The following PIEZO2 variants were observed in gnomAD, a reference collection of about 807,000 sequenced individuals.
PIEZO2 encodes piezo type mechanosensitive ion channel component 2.
Under a neutral mutation model 337.3 loss-of-function variants are expected in PIEZO2, and 172 were observed. The ratio of observed to expected loss-of-function variants is 0.51; its 90% CI spans 0.45 to 0.58. PIEZO2 has a LOEUF of 0.58. PIEZO2 is among the 20% of genes least tolerant of loss of function. PIEZO2 has a pLI of 0.00. For missense variants in PIEZO2, 3,028 were observed against 3,391.3 expected (o/e 0.89, Z 2.66); for synonymous variants, 1,251 against 1,228.5 (o/e 1.02, Z -0.38).
In PIEZO2 at chr18:10,979,913, C is replaced by T. The variant is rs527739343; in HGVS notation, c.161-253G>A. On this transcript the variant is annotated intron_variant, in intron 2 of 55. Transcript: ENST00000674853. The surrounding 1 kb of genome is among the most constrained non-coding windows in gnomAD (Gnocchi z 4.0). ...ATAATTTCCTATTTATCATATGACA[C>T]ATTACAGTGGAACTACAAAAAGGTC... Among the ~76,000 whole-genome samples, 62 of 152,248 alleles carry T rather than the reference C, an allele frequency of 4.1e-4. 1 individual carries two copies. The highest frequency in any genetic ancestry group is 2.7e-3 in the South Asian group (13 of 4,826).
chr18:10,998,861 CAAAAAAA>C (rs10544415), intron 2 of PIEZO2, among the ~76,000 whole-genome samples: 1 of 118,820 alleles, frequency 8.4e-6, no homozygotes, highest in African/African-American at 3.0e-5. Flanking sequence ...TCAAATACAG[CAAAAAAA>C]AAAAAAAAAA....
Position 10,759,973 on chromosome 18 carries a change from A to G in PIEZO2, c.3451-64T>C. On this transcript the variant is annotated intron_variant, in intron 24 of 55. Transcript: ENST00000674853. This position sits in a 1 kb window ranked among gnomAD's most constrained non-coding sequence, Gnocchi z 5.5. ...GCATATGGGAAAGGGGACTGGTGAT[A>G]GGTGTCAGGTCTGTGTAGATGGCGG... 7.1e-7 allele frequency: 1 copy of G among 1,408,390 alleles called. No individual in the cohort carries two copies. Among genetic ancestry groups the G allele is most frequent in the Middle Eastern group, 1.7e-4 (1 of 5,774 alleles). 87.2% of individuals were successfully genotyped at this position (1,408,390 alleles called of 1,614,324 possible).
intron 1 of PIEZO2, among the ~76,000 whole-genome samples, chr18:11,118,544 T>A (rs2039949850): frequency 6.6e-6 from 1 of 152,202 alleles, no homozygotes; most frequent in Non-Finnish European, 1.5e-5. Flanking sequence ...AATGCTGGAA[T>A]GTTTCATAAC....
chr18:11,103,972 C>T (rs542318257), intron 1 of PIEZO2, among the ~76,000 whole-genome samples: 20 of 152,022 alleles, frequency 1.3e-4, no homozygotes, highest in Non-Finnish European at 2.4e-4. Flanking sequence ...ACTACAGGCA[C>T]GCACCACCAC....
At chr18:11,123,640 C>G (rs2040094120) in intron 1 of PIEZO2, among the ~76,000 whole-genome samples, 1 of 152,068 alleles carries the variant, frequency 6.6e-6, no homozygotes, top group Admixed American at 6.6e-5. Flanking sequence ...AACCCCATCT[C>G]TACTAAAAAT....
In PIEZO2 at chr18:10,862,105, AG is replaced by A. The variant is rs2041889379; in HGVS notation, c.493-4895del. Among the ~76,000 whole-genome samples, 1 of 152,146 alleles carries A rather than the reference AG, an allele frequency of 6.6e-6. No homozygotes were observed. The highest frequency in any genetic ancestry group is 6.5e-5 in the Admixed American group (1 of 15,282). ...ATGTCCTCAACACAAATAAATAATA[AG>A]TATTTGAGATGATGAATATGCTAAT... On this transcript the variant is annotated intron_variant, in intron 5 of 55. Coordinates refer to ENST00000674853, the MANE Select transcript of PIEZO2 (RefSeq NM_001378183.1). This position sits in a 1 kb window ranked among gnomAD's most constrained non-coding sequence, Gnocchi z 4.4.
chr18:11,097,982 A>C lies in PIEZO2; in HGVS notation c.65-31760T>G, dbSNP rs2039306236. 6.6e-6 allele frequency among the ~76,000 whole-genome samples: 1 copy of C among 152,198 alleles called. No individual in the cohort carries two copies. The highest frequency in any genetic ancestry group is 1.5e-5 in the Non-Finnish European group (1 of 68,028). On this transcript the variant is annotated intron_variant, in intron 1 of 55. Transcript: ENST00000674853. This position sits in a 1 kb window ranked among gnomAD's most constrained non-coding sequence, Gnocchi z 5.0. ...TACTCATCTTTAAAAATGAATTAATAATAAAAACTAATGCTCATATACTTT... is the reference window on the plus strand; with the variant it reads ...TACTCATCTTTAAAAATGAATTAATCATAAAAACTAATGCTCATATACTTT...
At chr18:10,897,587 G>C (rs2042936174) in intron 4 of PIEZO2, among the ~76,000 whole-genome samples, 1 of 152,194 alleles carries the variant, frequency 6.6e-6, no homozygotes, top group Non-Finnish European at 1.5e-5. Flanking sequence ...TCTGCCATGA[G>C]TGTGGGGCCT....
intron 2 of PIEZO2, among the ~76,000 whole-genome samples, chr18:11,019,291 A>C (rs1447077660): frequency 1.3e-5 from 2 of 152,164 alleles, no homozygotes; most frequent in Non-Finnish European, 2.9e-5. Context: ...CGCTACTTAA[A>C]ATGCTTTAGG....
At chr18:11,108,619 A>ATT (rs2039644219) in intron 1 of PIEZO2, among the ~76,000 whole-genome samples, 3 of 150,022 alleles carry the variant, frequency 2.0e-5, no homozygotes, top group Admixed American at 1.3e-4. Context: ...CTCTCAAAAA[A>ATT]AAAAAAAAAA....
At chr18:10,865,904 T>C (rs892522491) in intron 5 of PIEZO2, among the ~76,000 whole-genome samples, 3 of 152,164 alleles carry the variant, frequency 2.0e-5, no homozygotes, top group Non-Finnish European at 4.4e-5. Flanking sequence ...TCACACAAGT[T>C]TCCCATGGGG....
At chr18:10,852,464 CCT>C (rs145747347) in intron 7 of PIEZO2, among the ~76,000 whole-genome samples, 171 of 151,222 alleles carry the variant, frequency 1.1e-3, no homozygotes, top group African/African-American at 4.0e-3. Context: ...TAGCATGTGC[CCT>C]CTCTCTCTCT....
At chr18:10,797,226 A>G in intron 12 of PIEZO2, 148 bp downstream of exon 12, 1 of 630,680 alleles carries the variant, frequency 1.6e-6, no homozygotes, top group Non-Finnish European at 2.6e-6. Flanking sequence ...ATACCATCAT[A>G]TATGTACTAT....
At chr18:10,697,472 G>T (rs1365726999) in intron 45 of PIEZO2, among the ~76,000 whole-genome samples, 1 of 152,148 alleles carries the variant, frequency 6.6e-6, no homozygotes, top group Non-Finnish European at 1.5e-5. Flanking sequence ...CCATGATAAT[G>T]CCTAAGAATA....
chr18:10,949,086 G>C (rs1466978848), intron 3 of PIEZO2, among the ~76,000 whole-genome samples: 1 of 152,090 alleles, frequency 6.6e-6, no homozygotes. Flanking sequence ...ATACAGAAAT[G>C]GTCATTTGTT....
chr18:11,078,049 CA>C lies in PIEZO2; in HGVS notation c.65-11828del, dbSNP rs1598924266. ...GTGCACACACACCCACACACACCCA[CA>C]CACACACACACACACACCACACACA... On this transcript the variant is annotated intron_variant, in intron 1 of 55. Coordinates refer to ENST00000674853, the MANE Select transcript of PIEZO2 (RefSeq NM_001378183.1). This position sits in a 1 kb window ranked among gnomAD's most constrained non-coding sequence, Gnocchi z 5.3. 2.0e-4 allele frequency among the ~76,000 whole-genome samples: 9 copies of C among 46,102 alleles called. No homozygotes were observed. The East Asian group carries it at 4.8e-3, about 25-fold the overall frequency. 30.2% of individuals were successfully genotyped at this position (46,102 alleles called of 152,430 possible). A position where few individuals can be genotyped will look rare whatever the true frequency, so the allele number is the denominator to read the frequency against.
chr18:10,885,703 C>T (rs191329072), intron 4 of PIEZO2, among the ~76,000 whole-genome samples: 51 of 152,308 alleles, frequency 3.3e-4, no homozygotes, highest in Admixed American at 9.8e-4. Context: ...TTATAAGTCA[C>T]TCTCTTGTTA....
intron 2 of PIEZO2, among the ~76,000 whole-genome samples, chr18:11,045,295 CAAAAAAA>C (rs58924653): frequency 2.4e-3 from 126 of 52,338 alleles, no homozygotes; most frequent in African/African-American, 5.8e-3. Context: ...GACTCCGTCT[CAAAAAAA>C]AAAAAAAAAA....
chr18:11,023,692 G>A (rs1412603819), intron 2 of PIEZO2, among the ~76,000 whole-genome samples: 3 of 152,234 alleles, frequency 2.0e-5, no homozygotes, highest in African/African-American at 7.2e-5. Flanking sequence ...GCACTGTGGA[G>A]CAGGGGGCGG....
Sources: allele counts gnomAD v4.1 joint callset (sites outside exome capture counted in the v4.1 genomes callset), GRCh38; gene constraint gnomAD v4.1.1; non-coding constraint Gnocchi (gnomAD v3.1); transcripts MANE v1.5; gene names NCBI Gene and HGNC (gene_info 2026-07-23, HGNC 2026-07-21).